The following TP53INP2 variants were observed in gnomAD, a reference collection of about 807,000 sequenced individuals.
The protein encoded by TP53INP2 is tumor protein p53 inducible nuclear protein 2.
TP53INP2 carries 12 observed loss-of-function variants against 17.1 expected under a neutral mutation model. The observed-to-expected ratio is 0.70, with a 90% CI of 0.45 to 1.14. TP53INP2 has a LOEUF of 1.14. TP53INP2 is among the 50% of genes most tolerant of loss of function. The probability of loss-of-function intolerance (pLI) is 0.00; values close to 1 mark genes in which losing one functional copy is unlikely to be tolerated. For missense variants in TP53INP2, 342 were observed against 330.9 expected (o/e 1.03, Z -0.26); for synonymous variants, 145 against 147.3 (o/e 0.98, Z 0.12).
chr20:34,710,009 C>CCT lies in TP53INP2; in HGVS notation c.414-48_414-47insTC, dbSNP rs765750486. 1.6e-5 allele frequency: 20 copies of CCT among 1,268,932 alleles called. No individual in the cohort carries two copies. The highest frequency in any genetic ancestry group is 3.2e-5 in the East Asian group (1 of 31,514). 78.6% of individuals were successfully genotyped at this position (1,268,932 alleles called of 1,614,324 possible). ...TGGGAGATGGCAGCGCCCTCTAGAC[C>CCT]CCCCGCCCAGCTTACCCGGCTTGAC... is the stretch of plus-strand genomic sequence containing the variant. On this transcript the variant is annotated intron_variant, in intron 4 of 4. Coordinates refer to ENST00000374810, the MANE Select transcript of TP53INP2 (RefSeq NM_021202.3). This position sits in a 1 kb window ranked among gnomAD's most constrained non-coding sequence, Gnocchi z 4.9.
chr20:34,708,660 G>T, intron 2 of TP53INP2, 31 bp from the exon 3 acceptor site: 7 of 1,393,736 alleles, frequency 5.0e-6, no homozygotes, highest in Non-Finnish European at 5.9e-6. Flanking sequence ...ACCTCAATCA[G>T]TGGTGGCTCT....
rs1230857544 is a variant in TP53INP2 at position 34,713,178 on chromosome 20, C to A, written c.*2871C>A. On this transcript the variant is annotated 3_prime_UTR_variant, in exon 5 of 5. Coordinates refer to ENST00000374810, the MANE Select transcript of TP53INP2 (RefSeq NM_021202.3). ...CCCCTTCTACTACTTTCCCTCTCGC[C>A]CTGCCACCTAGTTCCACATGGAACC... 1 of 152,644 alleles carries A rather than the reference C, an allele frequency of 6.6e-6. No homozygotes were observed. Among genetic ancestry groups the A allele is most frequent in the African/African-American group, 2.4e-5 (1 of 41,430 alleles). The allele number at this position is 152,644 out of a possible 1,614,324, so 9.5% of individuals were successfully genotyped here.
Position 34,710,105 on chromosome 20 carries a change from C to T in TP53INP2, c.461C>T (p.Ala154Val). Reference sequence around the variant, plus strand: ...GAGCCGCGGGCCGCGCGCCACGCCGCTCCTCTCCCAGCGCGGGCGGCGCTG... The same window carrying T: ...GAGCCGCGGGCCGCGCGCCACGCCGTTCCTCTCCCAGCGCGGGCGGCGCTG... Reference protein sequence around the residue: ...RREPRAARHAAPLPARAALLE... With the variant: ...RREPRAARHAVPLPARAALLE... Residue 154 changes from alanine to valine, a missense_variant, in exon 5 of 5, where the codon GCT (alanine) becomes GTT (valine). By Grantham distance (64) the Ala-to-Val change is moderately conservative. Transcript: ENST00000374810. This position sits in a 1 kb window ranked among gnomAD's most constrained non-coding sequence, Gnocchi z 4.9. The T allele has an allele frequency of 7.9e-7, 1 of 1,271,046 alleles. No individual in the cohort carries two copies. The highest frequency in any genetic ancestry group is 9.9e-7 in the Non-Finnish European group (1 of 1,012,232). The allele number at this position is 1,271,046 out of a possible 1,614,324, so 78.7% of individuals were successfully genotyped here.
Position 34,710,134 on chromosome 20 carries a change from G to A in TP53INP2, c.490G>A (p.Glu164Lys), listed in dbSNP as rs2034335823. 7.1e-6 allele frequency: 9 copies of A among 1,270,700 alleles called. No individual in the cohort carries two copies. The highest frequency in any genetic ancestry group is 2.2e-4 in the Middle Eastern group (1 of 4,472). 78.7% of individuals were successfully genotyped at this position (1,270,700 alleles called of 1,614,324 possible). ...APLPARAALL[E>K]KAGQVRRLQR... ...TCTCCCAGCGCGGGCGGCGCTGCTG[G>A]AGAAGGCGGGCCAGGTGCGGCGGCT... is the stretch of plus-strand genomic sequence containing the variant. Residue 164 changes from glutamate to lysine, a missense_variant, in exon 5 of 5, where the codon GAG becomes AAG. Glu to Lys is a moderately conservative substitution (Grantham distance 56). Coordinates refer to ENST00000374810, the MANE Select transcript of TP53INP2 (RefSeq NM_021202.3). This position sits in a 1 kb window ranked among gnomAD's most constrained non-coding sequence, Gnocchi z 4.9.
chr20:34,710,365 C>T lies in TP53INP2; in HGVS notation c.*58C>T, dbSNP rs1655987842. ...GATCCCGATCCCTGTCGGGCTCCTC[C>T]GACTCCTCGGGCTGGACACCGAAAC... is the stretch of plus-strand genomic sequence containing the variant. On this transcript the variant is annotated 3_prime_UTR_variant, in exon 5 of 5. Coordinates refer to ENST00000374810, the MANE Select transcript of TP53INP2 (RefSeq NM_021202.3). This position sits in a 1 kb window ranked among gnomAD's most constrained non-coding sequence, Gnocchi z 4.9. The T allele has an allele frequency of 1.4e-5, 18 of 1,271,794 alleles. No homozygotes were observed. The highest frequency in any genetic ancestry group is 2.0e-6 in the Non-Finnish European group (2 of 1,003,130). 78.8% of individuals were successfully genotyped at this position (1,271,794 alleles called of 1,614,324 possible).
At chr20:34,708,631 C>G (rs1600693641) in intron 2 of TP53INP2, 60 bp from the exon 3 acceptor site, 7 of 1,035,372 alleles carry the variant, frequency 6.8e-6, no homozygotes, top group Middle Eastern at 3.1e-4. Context: ...GCCTCTTCCC[C>G]AGGCCAGGAG....
Position 34,709,229 on chromosome 20 carries a change from C to A in TP53INP2, c.125-7C>A. 6.4e-7 allele frequency: 1 copy of A among 1,550,698 alleles called. No homozygotes were observed. ...CCTCTGCACGGCTCCCATCCCGCGC[C>A]CCGTAGACAGCTACGCGGCTCCACC... On this transcript the variant is annotated splice_polypyrimidine_tract_variant and splice_region_variant and intron_variant, in intron 3 of 4. Coordinates refer to ENST00000374810, the MANE Select transcript of TP53INP2 (RefSeq NM_021202.3). The surrounding 1 kb of genome is among the most constrained non-coding windows in gnomAD (Gnocchi z 5.4).
At position 34,710,428 on chromosome 20, in the gene TP53INP2, T is replaced by G; in HGVS notation, c.*121T>G. ...AGCGTGTGAGGTTGGGTGATAGCCG[T>G]TCCTTCCCCGACACCCTCAATTTCC... On this transcript the variant is annotated 3_prime_UTR_variant, in exon 5 of 5. Transcript: ENST00000374810. The surrounding 1 kb of genome is among the most constrained non-coding windows in gnomAD (Gnocchi z 4.9). 1 of 1,121,064 alleles carries G rather than the reference T, an allele frequency of 8.9e-7. No individual in the cohort carries two copies. Among genetic ancestry groups the G allele is most frequent in the Non-Finnish European group, 1.1e-6 (1 of 881,556 alleles). 69.4% of individuals were successfully genotyped at this position (1,121,064 alleles called of 1,614,324 possible).
intron 2 of TP53INP2, among the ~76,000 whole-genome samples, chr20:34,707,409 C>A (rs903397482): frequency 1.3e-5 from 2 of 152,158 alleles, no homozygotes; most frequent in South Asian, 2.1e-4. Context: ...ACCACACAGG[C>A]TCCAGGAGTG....
At position 34,710,092 on chromosome 20, in the gene TP53INP2, G is replaced by T. The variant is rs751496207; in HGVS notation, c.448G>T (p.Ala150Ser). ...GCCCGCCCGCCGCGAGCCGCGGGCCGCGCGCCACGCCGCTCCTCTCCCAGC... is the reference window on the plus strand; with the variant it reads ...GCCCGCCCGCCGCGAGCCGCGGGCCTCGCGCCACGCCGCTCCTCTCCCAGC... The part of the protein sequence containing the change: ...LTPARREPRA[A>S]RHAAPLPARA... Residue 150 changes from alanine to serine, a missense_variant, in exon 5 of 5, where the codon GCG becomes TCG. By Grantham distance (99) the Ala-to-Ser change is moderately conservative. Coordinates refer to ENST00000374810, the MANE Select transcript of TP53INP2 (RefSeq NM_021202.3). This position sits in a 1 kb window ranked among gnomAD's most constrained non-coding sequence, Gnocchi z 4.9. The T allele has an allele frequency of 3.1e-6, 4 of 1,276,182 alleles. No individual in the cohort carries two copies. The highest frequency in any genetic ancestry group is 5.6e-5 in the South Asian group (2 of 35,820). The allele number at this position is 1,276,182 out of a possible 1,614,324, so 79.1% of individuals were successfully genotyped here. A position where few individuals can be genotyped will look rare whatever the true frequency, so the allele number is the denominator to read the frequency against.
Position 34,710,011 on chromosome 20 carries a change from C to CG in TP53INP2, c.414-47_414-46insG, listed in dbSNP as rs1988133091. The CG allele has an allele frequency of 2.4e-6, 3 of 1,274,724 alleles. No individual in the cohort carries two copies. The highest frequency in any genetic ancestry group is 3.2e-5 in the Admixed American group (1 of 31,584). The allele number at this position is 1,274,724 out of a possible 1,614,324, so 79.0% of individuals were successfully genotyped here. A position where few individuals can be genotyped will look rare whatever the true frequency, so the allele number is the denominator to read the frequency against. ...GGAGATGGCAGCGCCCTCTAGACCC[C>CG]CCGCCCAGCTTACCCGGCTTGACCG... On this transcript the variant is annotated intron_variant, in intron 4 of 4. Transcript: ENST00000374810. This position sits in a 1 kb window ranked among gnomAD's most constrained non-coding sequence, Gnocchi z 4.9.
Position 34,710,335 on chromosome 20 carries a change from T to C in TP53INP2, c.*28T>C. 7.5e-7 allele frequency: 1 copy of C among 1,331,600 alleles called. No homozygotes were observed. The allele number at this position is 1,331,600 out of a possible 1,614,324, so 82.5% of individuals were successfully genotyped here. On this transcript the variant is annotated 3_prime_UTR_variant, in exon 5 of 5. Coordinates refer to ENST00000374810, the MANE Select transcript of TP53INP2 (RefSeq NM_021202.3). The surrounding 1 kb of genome is among the most constrained non-coding windows in gnomAD (Gnocchi z 4.9). ...GTCCACCGGCCGCGCCACGAACCCC[T>C]TGCCGATCCCGATCCCTGTCGGGCT... is the stretch of plus-strand genomic sequence containing the variant.
chr20:34,709,483 G>T lies in TP53INP2; in HGVS notation c.372G>T (p.Pro124=), dbSNP rs1353488596. ...TGCTAGAGCCCGGGTCCCCTTCCCC[G>T]CTCCCGGACGCGGCCCTGCCTGACG... ...TIVLEPGSPS[P]LPDAALPDGD... is the part of the protein sequence containing the mutation. The change falls in exon 4 of 5, where the codon CCG becomes CCT. Residue 124 remains proline (P), a synonymous_variant. Coordinates refer to ENST00000374810, the MANE Select transcript of TP53INP2 (RefSeq NM_021202.3). This position sits in a 1 kb window ranked among gnomAD's most constrained non-coding sequence, Gnocchi z 5.4. 2 of 1,612,118 alleles carry T rather than the reference G, an allele frequency of 1.2e-6. No homozygotes were observed. Among genetic ancestry groups the T allele is most frequent in the South Asian group, 1.1e-5 (1 of 91,072 alleles).
chr20:34,708,602 C>A, intron 2 of TP53INP2, 89 bp from the exon 3 acceptor site: 1 of 717,788 alleles, frequency 1.4e-6, no homozygotes, highest in Non-Finnish European at 2.3e-6. Flanking sequence ...TCTCCCTGCT[C>A]TGGGGGTGAT....
chr20:34,710,398 C>T lies in TP53INP2; in HGVS notation c.*91C>T. 1 of 1,228,464 alleles carries T rather than the reference C, an allele frequency of 8.1e-7. No homozygotes were observed. The highest frequency in any genetic ancestry group is 1.0e-6 in the Non-Finnish European group (1 of 975,564). 76.1% of individuals were successfully genotyped at this position (1,228,464 alleles called of 1,614,324 possible). A position where few individuals can be genotyped will look rare whatever the true frequency, so the allele number is the denominator to read the frequency against. ...CGGGCTGGACACCGAAACCTCCCTT[C>T]TTAAAGCGTGTGAGGTTGGGTGATA... On this transcript the variant is annotated 3_prime_UTR_variant, in exon 5 of 5. Transcript: ENST00000374810. The surrounding 1 kb of genome is among the most constrained non-coding windows in gnomAD (Gnocchi z 4.9).
Position 34,710,385 on chromosome 20 carries a change from C to G in TP53INP2, c.*78C>G, listed in dbSNP as rs1988158584. On this transcript the variant is annotated 3_prime_UTR_variant, in exon 5 of 5. Transcript: ENST00000374810. This position sits in a 1 kb window ranked among gnomAD's most constrained non-coding sequence, Gnocchi z 4.9. ...TCCTCCGACTCCTCGGGCTGGACAC[C>G]GAAACCTCCCTTCTTAAAGCGTGTG... 1.4e-5 allele frequency: 17 copies of G among 1,242,818 alleles called. No individual in the cohort carries two copies. The highest frequency in any genetic ancestry group is 1.7e-5 in the Non-Finnish European group (17 of 986,520). The allele number at this position is 1,242,818 out of a possible 1,614,324, so 77.0% of individuals were successfully genotyped here.
rs1255355404 is a variant in TP53INP2 at position 34,710,476 on chromosome 20, C to T, written c.*169C>T. On this transcript the variant is annotated 3_prime_UTR_variant, in exon 5 of 5. Coordinates refer to ENST00000374810, the MANE Select transcript of TP53INP2 (RefSeq NM_021202.3). This position sits in a 1 kb window ranked among gnomAD's most constrained non-coding sequence, Gnocchi z 4.9. Reference sequence around the variant, plus strand: ...TCCCCATCTCTGATCCTCTAATCTGCCTCTGAACCCATTCACCCTTCACCC... The same window carrying T: ...TCCCCATCTCTGATCCTCTAATCTGTCTCTGAACCCATTCACCCTTCACCC... 2.8e-6 allele frequency: 2 copies of T among 718,264 alleles called. No individual in the cohort carries two copies. The highest frequency in any genetic ancestry group is 3.9e-6 in the Non-Finnish European group (2 of 516,938). The allele number at this position is 718,264 out of a possible 1,614,324, so 44.5% of individuals were successfully genotyped here.
In TP53INP2 at chr20:34,710,007, A is replaced by C. The variant is rs2378257; in HGVS notation, c.414-51A>C. On this transcript the variant is annotated intron_variant, in intron 4 of 4. Coordinates refer to ENST00000374810, the MANE Select transcript of TP53INP2 (RefSeq NM_021202.3). This position sits in a 1 kb window ranked among gnomAD's most constrained non-coding sequence, Gnocchi z 4.9. ...GGTGGGAGATGGCAGCGCCCTCTAG[A>C]CCCCCCGCCCAGCTTACCCGGCTTG... The C allele has an allele frequency of 0.82, 1,032,764 of 1,253,290 alleles. 427,006 individuals carry two copies. The highest frequency in any genetic ancestry group is 0.92 in the Admixed American group (28,818 of 31,252). 77.6% of individuals were successfully genotyped at this position (1,253,290 alleles called of 1,614,324 possible). A position where few individuals can be genotyped will look rare whatever the true frequency, so the allele number is the denominator to read the frequency against.
chr20:34,706,598 T>A (rs1170649301), intron 2 of TP53INP2, among the ~76,000 whole-genome samples: 1 of 152,166 alleles, frequency 6.6e-6, no homozygotes, highest in Non-Finnish European at 1.5e-5. Flanking sequence ...ACCTTCTTAA[T>A]CCCTGTAGAT....
Sources: gnomAD v4.1 joint callset for allele counts (sites outside exome capture counted in the v4.1 genomes callset) on GRCh38, gnomAD v4.1.1 for gene constraint, Gnocchi (gnomAD v3.1) non-coding constraint, MANE v1.5 for transcripts, NCBI Gene and HGNC (gene_info 2026-07-23, HGNC 2026-07-21) for gene names.